The following PDGFC variants were observed in gnomAD, a reference collection of about 807,000 sequenced individuals.
PDGFC encodes the protein platelet-derived growth factor C.
PDGFC carries 12 observed loss-of-function variants against 35.5 expected under a neutral mutation model. That is an observed-to-expected ratio of 0.34 (90% confidence interval 0.22 to 0.55). The LOEUF is 0.55. Among genes scored for constraint, PDGFC ranks in the 20% least tolerant of loss-of-function variants. The pLI, the probability that PDGFC is intolerant of heterozygous loss-of-function variation, is 0.91. For synonymous variants in PDGFC, 159 were observed against 148.8 expected (o/e 1.07, Z -0.50); for missense variants, 322 against 412.4 (o/e 0.78, Z 1.90).
Position 156,775,597 on chromosome 4 carries a change from C to T in PDGFC, c.496-2704G>A, listed in dbSNP as rs188047839. 2.4e-3 allele frequency among the ~76,000 whole-genome samples: 366 copies of T among 152,144 alleles called. 2 individuals are homozygous for T. Among genetic ancestry groups the T allele is most frequent in the African/African-American group, 8.4e-3 (347 of 41,508 alleles). On this transcript the variant is annotated intron_variant, in intron 3 of 5. Transcript: ENST00000502773. ...ATTTCTTTTGAAGCAATACAAAGTT[C>T]TAACTGAAATTAATATTGCTGAGAT...
Position 156,970,924 on chromosome 4 carries a change from C to T in PDGFC, c.-21G>A. ...CTCATTTGGCTGACTGGGGTGAGAG[C>T]TCACTCACGGCGGGCACTTTGGAAG... On this transcript the variant is annotated 5_prime_UTR_variant, in exon 1 of 6. Coordinates refer to ENST00000502773, the MANE Select transcript of PDGFC (RefSeq NM_016205.3). 6.6e-7 allele frequency: 1 copy of T among 1,519,850 alleles called. No homozygotes were observed. Among genetic ancestry groups the T allele is most frequent in the Non-Finnish European group, 9.1e-7 (1 of 1,095,356 alleles). The allele number at this position is 1,519,850 out of a possible 1,614,324, so 94.1% of individuals were successfully genotyped here.
At chr4:156,919,018 A>G (rs6856019) in intron 1 of PDGFC, among the ~76,000 whole-genome samples, 2 of 152,162 alleles carry the variant, frequency 1.3e-5, no homozygotes, top group Admixed American at 6.5e-5. Flanking sequence ...GCTTCCAACA[A>G]TATTAAATGT....
At chr4:156,857,978 T>A (rs1242995591) in intron 1 of PDGFC, among the ~76,000 whole-genome samples, 1 of 152,054 alleles carries the variant, frequency 6.6e-6, no homozygotes, top group Non-Finnish European at 1.5e-5. Context: ...GTGTTGTGAA[T>A]AAATAAACAA....
chr4:156,919,098 A>C (rs1253619287), intron 1 of PDGFC, among the ~76,000 whole-genome samples: 1 of 152,224 alleles, frequency 6.6e-6, no homozygotes. Context: ...ATTCCATCTG[A>C]TATAAGCAAT....
intron 1 of PDGFC, among the ~76,000 whole-genome samples, chr4:156,865,186 GCACA>G (rs34323245): frequency 4.0e-4 from 59 of 146,728 alleles, no homozygotes; most frequent in Non-Finnish European, 6.5e-4. Flanking sequence ...AGATACATGT[GCACA>G]CACACACACA....
chr4:156,816,039 C>T (rs556656410), intron 2 of PDGFC, among the ~76,000 whole-genome samples: 10 of 152,288 alleles, frequency 6.6e-5, no homozygotes, highest in South Asian at 2.1e-4. Context: ...GCCATGAGGA[C>T]GTCTTTCTTA....
At chr4:156,891,676 A>T (rs1328703985) in intron 1 of PDGFC, among the ~76,000 whole-genome samples, 1 of 139,824 alleles carries the variant, frequency 7.2e-6, no homozygotes, top group African/African-American at 2.8e-5. Flanking sequence ...CCTTTCAGCA[A>T]ACTTTTACAG....
intron 2 of PDGFC, among the ~76,000 whole-genome samples, chr4:156,821,916 G>A (rs1424759732): frequency 6.6e-6 from 1 of 151,890 alleles, no homozygotes; most frequent in East Asian, 1.9e-4. Flanking sequence ...GAATGACAGG[G>A]GTCAAAAATG....
chr4:156,971,174 G>C lies in PDGFC; in HGVS notation c.-271C>G, dbSNP rs1299786978. The C allele has an allele frequency of 8.8e-6, 3 of 342,356 alleles. No individual in the cohort carries two copies. Among genetic ancestry groups the C allele is most frequent in the Non-Finnish European group, 1.6e-5 (3 of 191,262 alleles). 21.2% of individuals were successfully genotyped at this position (342,356 alleles called of 1,614,324 possible). ...GTTTAAACAAATCCTGAGCTGTGGC[G>C]AAGTGGTGGGGGTGGGGGTGAAGGC... is the stretch of plus-strand genomic sequence containing the variant. On this transcript the variant is annotated 5_prime_UTR_variant, in exon 1 of 6. Coordinates refer to ENST00000502773, the MANE Select transcript of PDGFC (RefSeq NM_016205.3).
intron 3 of PDGFC, among the ~76,000 whole-genome samples, chr4:156,796,942 T>A (rs1731459200): frequency 6.6e-6 from 1 of 151,868 alleles, no homozygotes; most frequent in African/African-American, 2.4e-5. Flanking sequence ...AAGAAGAAAG[T>A]ATTAAAAGAA....
intron 1 of PDGFC, among the ~76,000 whole-genome samples, chr4:156,926,509 C>A (rs1560876457): frequency 6.6e-6 from 1 of 152,130 alleles, no homozygotes; most frequent in Admixed American, 6.5e-5. Flanking sequence ...ATGTTGCATT[C>A]CAGCAACATT....
chr4:156,812,163 A>G (rs559657706), intron 2 of PDGFC, among the ~76,000 whole-genome samples: 34 of 152,116 alleles, frequency 2.2e-4, no homozygotes, highest in African/African-American at 8.2e-4. Context: ...ACTTGGAAAA[A>G]CATGTCACTA....
chr4:156,773,679 A>G (rs1252384272), intron 3 of PDGFC: 1 of 152,224 alleles, frequency 6.6e-6, no homozygotes, highest in Admixed American at 6.5e-5. Flanking sequence ...TCACATACGA[A>G]AAAAGGATAC....
intron 3 of PDGFC, among the ~76,000 whole-genome samples, chr4:156,782,343 C>A (rs552804938): frequency 3.7e-4 from 56 of 152,206 alleles, no homozygotes; most frequent in African/African-American, 1.3e-3. Context: ...AAATCCTATG[C>A]AAAATGCAGG....
At chr4:156,867,918 G>A (rs189689300) in intron 1 of PDGFC, among the ~76,000 whole-genome samples, 51 of 151,942 alleles carry the variant, frequency 3.4e-4, no homozygotes, top group African/African-American at 1.2e-3. Flanking sequence ...TTGCTCTGTC[G>A]CCCGGGCTGT....
At chr4:156,887,382 T>C (rs1730400759) in intron 1 of PDGFC, among the ~76,000 whole-genome samples, 1 of 152,220 alleles carries the variant, frequency 6.6e-6, no homozygotes, top group Admixed American at 6.5e-5. Context: ...TTTTCATTTG[T>C]AATTTTACAT....
intron 2 of PDGFC, among the ~76,000 whole-genome samples, chr4:156,839,027 G>A (rs941183717): frequency 1.3e-5 from 2 of 152,348 alleles, no homozygotes; most frequent in Admixed American, 6.5e-5. Context: ...CAGATGGTGA[G>A]GATGTGGGGG....
intron 2 of PDGFC, among the ~76,000 whole-genome samples, chr4:156,817,024 G>C (rs1732105888): frequency 6.6e-6 from 1 of 152,054 alleles, no homozygotes; most frequent in South Asian, 2.1e-4. Flanking sequence ...AAAACCAATA[G>C]GCATGCTTCA....
At chr4:156,863,160 A>G (rs1239117536) in intron 1 of PDGFC, among the ~76,000 whole-genome samples, 1 of 152,230 alleles carries the variant, frequency 6.6e-6, no homozygotes, top group East Asian at 1.9e-4. Context: ...ATCATATAAT[A>G]TCTTGTCTAA....
Sources: gnomAD v4.1 joint callset for allele counts (sites outside exome capture counted in the v4.1 genomes callset) on GRCh38, gnomAD v4.1.1 for gene constraint, MANE v1.5 for transcripts, NCBI Gene and HGNC (gene_info 2026-07-23, HGNC 2026-07-21) for gene names.